MORC1: variants seen among roughly 807,000 people sequenced by gnomAD.
MORC1 encodes MORC family CW-type zinc finger 1, also known as MORC family CW-type zinc finger protein 1.
MORC1 carries 59 observed loss-of-function variants against 134.9 expected under a neutral mutation model. That is an observed-to-expected ratio of 0.44 (90% CI 0.35 to 0.54). The LOEUF is 0.54. MORC1 is among the 20% of genes least tolerant of loss of function. MORC1 has a pLI of 0.00. For missense variants in MORC1, 947 were observed against 1,134.5 expected, an observed-to-expected ratio of 0.83 and a Z score of 2.37; for synonymous variants, 395 against 391.7, an observed-to-expected ratio of 1.01 and a Z score of -0.10.
chr3:109,111,635 A>C (rs1443798613), intron 2 of MORC1, among the ~76,000 whole-genome samples: 2 of 152,226 alleles, frequency 1.3e-5, no homozygotes, highest in African/African-American at 4.8e-5. Flanking sequence ...GAGAGAAAGG[A>C]GGAAGGCATA....
At chr3:109,023,218 C>T (rs1259384044) in intron 17 of MORC1, among the ~76,000 whole-genome samples, 2 of 152,140 alleles carry the variant, frequency 1.3e-5, no homozygotes, top group Non-Finnish European at 2.9e-5. Flanking sequence ...GCCTGCAGAG[C>T]CACATGGAAG....
At chr3:109,062,120 T>C in intron 10 of MORC1, 62 bp from the exon 11 acceptor site, 1 of 1,424,764 alleles carries the variant, frequency 7.0e-7, no homozygotes, top group Non-Finnish European at 9.9e-7. Context: ...TTTAAGTGAG[T>C]ATTTTCTATA....
chr3:109,043,902 T>C (rs977402907), intron 14 of MORC1, among the ~76,000 whole-genome samples: 2 of 152,202 alleles, frequency 1.3e-5, no homozygotes, highest in Non-Finnish European at 2.9e-5. Flanking sequence ...AAAAGAGCCA[T>C]GCAGATAACC....
chr3:108,961,483 C>T (rs139484039), intron 27 of MORC1, among the ~76,000 whole-genome samples: 122 of 152,220 alleles, frequency 8.0e-4, no homozygotes, highest in African/African-American at 2.8e-3. Flanking sequence ...TTCCAGGATG[C>T]TACATTATTT....
rs953338887 is a variant in MORC1 at position 109,090,632 on chromosome 3, A to C, written c.689+2804T>G. On this transcript the variant is annotated intron_variant, in intron 8 of 27. Transcript: ENST00000232603. The stretch of plus-strand genomic sequence containing the variant: ...CAAAACTCCGTCTCAAAAAAAAAAA[A>C]AAAAAAAAAACACGATGTCAAATGT... Among the ~76,000 whole-genome samples, 7 of 151,570 alleles carry C rather than the reference A, an allele frequency of 4.6e-5. 1 individual carries two copies. The highest frequency in any genetic ancestry group is 1.7e-4 in the African/African-American group (7 of 41,180).
At chr3:108,974,250 C>T (rs541434154) in intron 24 of MORC1, among the ~76,000 whole-genome samples, 3 of 152,284 alleles carry the variant, frequency 2.0e-5, no homozygotes, top group East Asian at 3.9e-4. Context: ...AACACACAGG[C>T]CTTTCCATTT....
chr3:109,040,399 A>AG (rs35362201), intron 14 of MORC1, among the ~76,000 whole-genome samples: 80 of 37,408 alleles, frequency 2.1e-3, no homozygotes, highest in South Asian at 7.2e-3. Context: ...AGAAAGAAAG[A>AG]AAGAGAAGGA....
chr3:108,997,764 T>C (rs946729378), intron 21 of MORC1, among the ~76,000 whole-genome samples: 3 of 152,160 alleles, frequency 2.0e-5, no homozygotes, highest in Non-Finnish European at 4.4e-5. Flanking sequence ...ATACTTTTTT[T>C]TTCATTTCAC....
Position 108,989,004 on chromosome 3 carries a change from A to T in MORC1, c.2188-2055T>A, listed in dbSNP as rs141801416. Among the ~76,000 whole-genome samples, 9 of 152,148 alleles carry T rather than the reference A, an allele frequency of 5.9e-5. No individual in the cohort carries two copies. The East Asian group carries it at 1.2e-3, about 20-fold the overall frequency. ...CCTTTGCTGTATTATCTTTATTCTG[A>T]TGTTTAAAAGATTTTTGGATAAATG... On this transcript the variant is annotated intron_variant, in intron 21 of 27. Transcript: ENST00000232603.
chr3:109,064,870 T>C (rs1053756685), intron 9 of MORC1, among the ~76,000 whole-genome samples: 2 of 152,136 alleles, frequency 1.3e-5, no homozygotes, highest in African/African-American at 4.8e-5. Flanking sequence ...TACTATGATA[T>C]GAAGAGAACT....
chr3:109,088,623 T>A (rs879562232), intron 8 of MORC1, among the ~76,000 whole-genome samples: 10 of 152,102 alleles, frequency 6.6e-5, no homozygotes, highest in Non-Finnish European at 1.5e-4. Flanking sequence ...GGGAGTGTAC[T>A]AGTTCAACCA....
chr3:108,996,267 C>CGTGT (rs1553745261), intron 21 of MORC1, among the ~76,000 whole-genome samples: 3 of 126,586 alleles, frequency 2.4e-5, no homozygotes, highest in Non-Finnish European at 5.3e-5. Flanking sequence ...TGCACATGTG[C>CGTGT]GCGTGCGTGC....
At chr3:109,112,536 G>C (rs542182255) in intron 2 of MORC1, among the ~76,000 whole-genome samples, 3 of 152,206 alleles carry the variant, frequency 2.0e-5, no homozygotes, top group East Asian at 3.9e-4. Context: ...GAAGAAAGAG[G>C]GACTGAAGGG....
At chr3:109,042,033 G>T (rs995460997) in intron 14 of MORC1, among the ~76,000 whole-genome samples, 6 of 151,908 alleles carry the variant, frequency 3.9e-5, no homozygotes, top group Non-Finnish European at 7.4e-5. Context: ...AACCCTAGAA[G>T]AAATGAGAGA....
intron 9 of MORC1, among the ~76,000 whole-genome samples, chr3:109,067,179 C>A (rs146761990): frequency 1.2e-4 from 19 of 152,164 alleles, no homozygotes; most frequent in Admixed American, 3.3e-4. Flanking sequence ...CCCATCCCAA[C>A]TCATTTGGGC....
At chr3:109,017,654 T>C (rs1040033008) in intron 17 of MORC1, among the ~76,000 whole-genome samples, 44 of 152,338 alleles carry the variant, frequency 2.9e-4, no homozygotes, top group African/African-American at 1.0e-3. Flanking sequence ...TCTTACATCT[T>C]TGATTGAATT....
chr3:109,071,771 C>T (rs1056401778), intron 8 of MORC1, among the ~76,000 whole-genome samples: 3 of 152,186 alleles, frequency 2.0e-5, no homozygotes, highest in Admixed American at 6.5e-5. Context: ...CAGGCACCTT[C>T]AGCCCAGCAT....
intron 24 of MORC1, among the ~76,000 whole-genome samples, chr3:108,979,305 G>C (rs1947646876): frequency 6.6e-6 from 1 of 152,154 alleles, no homozygotes; most frequent in African/African-American, 2.4e-5. Context: ...CATACTGCCA[G>C]ACTATGTAAC....
chr3:109,116,236 G>T (rs1951270566), intron 1 of MORC1, among the ~76,000 whole-genome samples: 1 of 152,098 alleles, frequency 6.6e-6, no homozygotes, highest in African/African-American at 2.4e-5. Context: ...CACTCTGGCA[G>T]CTTTCCAGGA....
Sources: gnomAD v4.1 joint callset for allele counts (sites outside exome capture counted in the v4.1 genomes callset) on GRCh38, gnomAD v4.1.1 for gene constraint, MANE v1.5 for transcripts, NCBI Gene and HGNC (gene_info 2026-07-23, HGNC 2026-07-21) for gene names.